TCF4: variants seen among roughly 807,000 people sequenced by gnomAD.
TCF4 encodes the protein SL3-3 enhancer factor 2.
In TCF4, 3 loss-of-function variants were observed where a neutral mutation model predicts 82.1. That is an observed-to-expected ratio of 0.04 (90% CI 0.02 to 0.09). The LOEUF (loss-of-function observed/expected upper bound fraction) is 0.09. TCF4 is among the 10% of genes least tolerant of loss of function. The pLI is 1.00. For missense variants in TCF4, 518 were observed against 852.7 expected, an observed-to-expected ratio of 0.61 and a Z score of 4.89; for synonymous variants, 276 against 309.6, an observed-to-expected ratio of 0.89 and a Z score of 1.14.
intron 3 of TCF4, among the ~76,000 whole-genome samples, chr18:55,527,007 C>T (rs191762998): frequency 6.0e-4 from 92 of 152,226 alleles, no homozygotes; most frequent in Non-Finnish European, 9.9e-4. Flanking sequence ...GGAGTCTGGA[C>T]AGATATTTTT....
intron 2 of TCF4, among the ~76,000 whole-genome samples, chr18:55,615,948 G>A (rs1326793317): frequency 6.6e-6 from 1 of 151,976 alleles, no homozygotes; most frequent in Non-Finnish European, 1.5e-5. Context: ...AAGCATATTG[G>A]TCTTTAGTTT....
chr18:55,300,099 TACACACACACACAC>T (rs372975426), intron 8 of TCF4, among the ~76,000 whole-genome samples: 1 of 147,944 alleles, frequency 6.8e-6, no homozygotes, highest in African/African-American at 2.5e-5. Context: ...CATACAGATA[TACACACACACACAC>T]ACACACACAC....
chr18:55,400,454 T>C (rs557614780), intron 6 of TCF4, among the ~76,000 whole-genome samples: 17 of 152,314 alleles, frequency 1.1e-4, no homozygotes, highest in South Asian at 4.1e-4. Context: ...TATTGATTCA[T>C]TTTCAACACA....
intron 3 of TCF4, among the ~76,000 whole-genome samples, chr18:55,490,144 A>C (rs2096560818): frequency 6.6e-6 from 1 of 152,238 alleles, no homozygotes; most frequent in Non-Finnish European, 1.5e-5. Context: ...GCAAAGCATA[A>C]GGAAATACCA....
At chr18:55,559,649 A>AAG (rs2097338069) in intron 3 of TCF4, among the ~76,000 whole-genome samples, 1 of 151,640 alleles carries the variant, frequency 6.6e-6, no homozygotes, top group Admixed American at 6.6e-5. Context: ...TAAAAAAAAA[A>AAG]AAACTTATTT....
intron 2 of TCF4, among the ~76,000 whole-genome samples, chr18:55,625,470 C>T (rs2097725661): frequency 6.6e-6 from 1 of 152,138 alleles, no homozygotes; most frequent in Non-Finnish European, 1.5e-5. Flanking sequence ...ATTTCCTGAC[C>T]TTGTGGTCCA....
At chr18:55,287,898 T>C (rs781022024) in intron 8 of TCF4, among the ~76,000 whole-genome samples, 17 of 151,894 alleles carry the variant, frequency 1.1e-4, no homozygotes, top group Non-Finnish European at 2.2e-4. Context: ...AAACTCTAAA[T>C]AAAAATGAGT....
At chr18:55,384,075 C>T (rs143839458) in intron 6 of TCF4, 1 of 152,192 alleles carries the variant, frequency 6.6e-6, no homozygotes, top group Non-Finnish European at 1.5e-5. Flanking sequence ...ACTTTTTGGT[C>T]ATTACACCTC....
chr18:55,261,348 A>G (rs1416631625), intron 12 of TCF4, 118 bp downstream of exon 12: 7 of 1,273,736 alleles, frequency 5.5e-6, no homozygotes, highest in Non-Finnish European at 8.0e-6. Flanking sequence ...GAAAGCTAGC[A>G]TTTTCCAAAA....
chr18:55,422,125 C>CAA (rs555892552), intron 5 of TCF4: 5,377 of 317,208 alleles, frequency 0.017, no homozygotes, highest in Middle Eastern at 0.02. Context: ...CACTATCATC[C>CAA]AAAAAAAAAA....
In TCF4 at chr18:55,534,175, A is replaced by G. The variant is rs188309787; in HGVS notation, c.145+51105T>C. Among the ~76,000 whole-genome samples the G allele has an allele frequency of 2.7e-3, 410 of 152,346 alleles. 4 individuals are homozygous for G. Among genetic ancestry groups the G allele is most frequent in the African/African-American group, 9.3e-3 (388 of 41,588 alleles). ...AACAGTTTGCGTACTTTGGAACAAC[A>G]GAAAAAGCAAAGGTGTCACTATCTC... On this transcript the variant is annotated intron_variant, in intron 3 of 19. Transcript: ENST00000354452.
At chr18:55,476,189 GA>G (rs2096284559) in intron 3 of TCF4, among the ~76,000 whole-genome samples, 1 of 151,796 alleles carries the variant, frequency 6.6e-6, no homozygotes, top group Non-Finnish European at 1.5e-5. Flanking sequence ...AAAAAAATTG[GA>G]AACATCTAAA....
intron 8 of TCF4, among the ~76,000 whole-genome samples, chr18:55,299,046 A>G (rs561147986): frequency 3.6e-4 from 55 of 152,356 alleles, no homozygotes; most frequent in Non-Finnish European, 6.5e-4. Flanking sequence ...ATAAATATGA[A>G]GAAGTATGTC....
intron 3 of TCF4, among the ~76,000 whole-genome samples, chr18:55,492,599 T>C (rs558133695): frequency 5.4e-4 from 83 of 152,336 alleles, no homozygotes; most frequent in Middle Eastern, 3.4e-3. Context: ...ATTTTCTACT[T>C]GCTGTAAATT....
chr18:55,545,954 G>C (rs2097203593), intron 3 of TCF4, among the ~76,000 whole-genome samples: 1 of 152,094 alleles, frequency 6.6e-6, no homozygotes, highest in Non-Finnish European at 1.5e-5. Flanking sequence ...GTTTCATTCA[G>C]GGCTGCACAC....
At chr18:55,613,234 A>G (rs1480850077) in intron 2 of TCF4, among the ~76,000 whole-genome samples, 4 of 152,014 alleles carry the variant, frequency 2.6e-5, no homozygotes, top group African/African-American at 4.8e-5. Context: ...TCATGCCCCT[A>G]TGTTATCCCT....
intron 8 of TCF4, among the ~76,000 whole-genome samples, chr18:55,324,939 G>A (rs1196490012): frequency 6.6e-6 from 1 of 152,118 alleles, no homozygotes; most frequent in Non-Finnish European, 1.5e-5. Flanking sequence ...AAAGTTTACA[G>A]TTCTTTTGTA....
chr18:55,495,964 C>T (rs2096630733), intron 3 of TCF4: 1 of 152,098 alleles, frequency 6.6e-6, no homozygotes, highest in Admixed American at 6.6e-5. Context: ...TTCCAAGAGT[C>T]GTCTGAGTTC....
chr18:55,279,399 C>T lies in TCF4; in HGVS notation c.655+152G>A, dbSNP rs147757626. ...CTTAGTACAGTTTTAATTAATACAT[C>T]AATTTTTAAGGAATTCAATTCCTAA... On this transcript the variant is annotated intron_variant, in intron 9 of 19. Coordinates refer to ENST00000354452, the MANE Select transcript of TCF4 (RefSeq NM_001083962.2). The T allele has an allele frequency of 9.2e-6, 11 of 1,193,304 alleles. No homozygotes were observed. In the African/African-American group the frequency reaches 1.4e-4, roughly 15 times the overall value. 73.9% of individuals were successfully genotyped at this position (1,193,304 alleles called of 1,614,324 possible). A position where few individuals can be genotyped will look rare whatever the true frequency, so the allele number is the denominator to read the frequency against.
Sources: gnomAD v4.1 joint callset for allele counts (sites outside exome capture counted in the v4.1 genomes callset) on GRCh38, gnomAD v4.1.1 for gene constraint, MANE v1.5 for transcripts, NCBI Gene and HGNC (gene_info 2026-07-23, HGNC 2026-07-21) for gene names.